The following IL1RAPL2 variants were observed in gnomAD, a reference collection of about 807,000 sequenced individuals.
IL1RAPL2 encodes interleukin 1 receptor accessory protein like 2, also known as X-linked interleukin-1 receptor accessory protein-like 2.
In IL1RAPL2, 3 loss-of-function variants were observed where a neutral mutation model predicts 44.1. The observed-to-expected ratio is 0.07, with a 90% CI of 0.03 to 0.18. The LOEUF (loss-of-function observed/expected upper bound fraction) is 0.18, where lower values mean the gene tolerates loss of function less well. Among genes scored for constraint, IL1RAPL2 ranks in the 10% least tolerant of loss-of-function variants. IL1RAPL2 has a pLI of 1.00. For synonymous variants in IL1RAPL2, 181 were observed against 178.8 expected (o/e 1.01, Z -0.10); for missense variants, 391 against 496.4 (o/e 0.79, Z 2.02).
chrX:105,575,865 T>A (rs2037046246), intron 6 of IL1RAPL2, among the ~76,000 whole-genome samples: 1 of 112,233 alleles, frequency 8.9e-6, no homozygotes, highest in African/African-American at 3.2e-5. Flanking sequence ...ATAGCCATTC[T>A]GATTTGTGTG....
chrX:104,889,921 G>C (rs1923370647), intron 2 of IL1RAPL2, among the ~76,000 whole-genome samples: 1 of 111,004 alleles, frequency 9.0e-6, no homozygotes, highest in African/African-American at 3.3e-5. Flanking sequence ...TTTACATTAG[G>C]TGTATCTCCT....
At chrX:105,490,128 G>A (rs1173164550) in intron 6 of IL1RAPL2, among the ~76,000 whole-genome samples, 1 of 111,454 alleles carries the variant, frequency 9.0e-6, no homozygotes. Context: ...GAGCCTGGCC[G>A]ATAATTTTCT....
At chrX:105,377,189 C>A (rs2147721124) in intron 5 of IL1RAPL2, among the ~76,000 whole-genome samples, 1 of 111,615 alleles carries the variant, frequency 9.0e-6, no homozygotes, top group South Asian at 3.7e-4. Context: ...TTAAGTTCTA[C>A]ATTTTGTGTT....
chrX:104,612,801 A>G lies in IL1RAPL2; in HGVS notation c.-20+45750A>G, dbSNP rs138341873. Among the ~76,000 whole-genome samples, 293 of 111,639 alleles carry G rather than the reference A, an allele frequency of 2.6e-3. 5 individuals are homozygous for G. In the East Asian group the frequency reaches 0.061, roughly 23 times the overall value. ...TATTTTAATGATATTGATTCTTCCA[A>G]TCAATGAGCATGGAATGGTTTTCCA... On this transcript the variant is annotated intron_variant, in intron 1 of 10. Coordinates refer to ENST00000372582, the MANE Select transcript of IL1RAPL2 (RefSeq NM_017416.2).
chrX:105,605,915 A>G (rs2037289684), intron 6 of IL1RAPL2, among the ~76,000 whole-genome samples: 1 of 111,921 alleles, frequency 8.9e-6, no homozygotes, highest in Non-Finnish European at 1.9e-5. Context: ...GATGAAACTC[A>G]ACCTCTATCT....
At chrX:105,155,190 C>T (rs933043570) in intron 2 of IL1RAPL2, among the ~76,000 whole-genome samples, 5 of 111,354 alleles carry the variant, frequency 4.5e-5, no homozygotes, top group African/African-American at 1.6e-4. Context: ...TTCATATCCT[C>T]ATCATCTGTT....
chrX:105,473,878 A>G (rs2036180722), intron 5 of IL1RAPL2, among the ~76,000 whole-genome samples: 1 of 112,001 alleles, frequency 8.9e-6, no homozygotes, highest in African/African-American at 3.2e-5. Flanking sequence ...GTTATTCCAT[A>G]TGACAGCCGC....
rs1376363869 is a variant in IL1RAPL2 at position 104,627,311 on chromosome X, T to C, written c.-19-31584T>C. ...TTCCACATGGACACAGGAAGGGTAATATCACACTCCGGGGCCTGTTGTGGG... is the reference window on the plus strand; with the variant it reads ...TTCCACATGGACACAGGAAGGGTAACATCACACTCCGGGGCCTGTTGTGGG... On this transcript the variant is annotated intron_variant, in intron 1 of 10. Coordinates refer to ENST00000372582, the MANE Select transcript of IL1RAPL2 (RefSeq NM_017416.2). 6.2e-5 allele frequency among the ~76,000 whole-genome samples: 5 copies of C among 80,362 alleles called. No homozygotes were observed. In the Admixed American group the frequency reaches 9.1e-4, roughly 15 times the overall value. 69.8% of individuals were successfully genotyped at this position (80,362 alleles called of 115,157 possible). A position where few individuals can be genotyped will look rare whatever the true frequency, so the allele number is the denominator to read the frequency against.
chrX:105,684,209 G>A (rs141213373), intron 6 of IL1RAPL2, among the ~76,000 whole-genome samples: 2,418 of 112,253 alleles, frequency 0.022, 60 homozygotes, highest in African/African-American at 0.075. Context: ...TACAGAGGGC[G>A]AGCTGAAGCA....
chrX:105,177,955 A>C (rs764226611), intron 2 of IL1RAPL2, among the ~76,000 whole-genome samples: 1 of 111,567 alleles, frequency 9.0e-6, no homozygotes, highest in South Asian at 3.8e-4. Context: ...CCATCACCTC[A>C]TGTTTTTATC....
At chrX:105,723,720 G>A (rs1459870920) in intron 7 of IL1RAPL2, among the ~76,000 whole-genome samples, 2 of 111,319 alleles carry the variant, frequency 1.8e-5, no homozygotes, top group Admixed American at 9.6e-5. Context: ...CCTGTTCCTC[G>A]TGGATGGAAC....
Position 105,554,461 on chromosome X carries a change from A to T in IL1RAPL2, c.772+70074A>T, listed in dbSNP as rs537304188. ...TCACTGACTCTCAAATTTGTGTTTG[A>T]TGCTTTTAATCAAATTTGGAAAACT... On this transcript the variant is annotated intron_variant, in intron 6 of 10. Coordinates refer to ENST00000372582, the MANE Select transcript of IL1RAPL2 (RefSeq NM_017416.2). 6.5e-3 allele frequency among the ~76,000 whole-genome samples: 731 copies of T among 111,617 alleles called. 4 individuals carry two copies. Among genetic ancestry groups the T allele is most frequent in the South Asian group, 0.037 (100 of 2,699 alleles).
chrX:105,673,387 C>T (rs1467439959), intron 6 of IL1RAPL2, among the ~76,000 whole-genome samples: 2 of 111,066 alleles, frequency 1.8e-5, no homozygotes, highest in Non-Finnish European at 3.8e-5. Flanking sequence ...TCTCATTGTT[C>T]TGCTACTACT....
At chrX:105,513,515 A>ATAG (rs2036487806) in intron 6 of IL1RAPL2, among the ~76,000 whole-genome samples, 1 of 112,001 alleles carries the variant, frequency 8.9e-6, no homozygotes, top group African/African-American at 3.2e-5. Context: ...TTCTCTAACG[A>ATAG]CCAGTGATGA....
intron 4 of IL1RAPL2, among the ~76,000 whole-genome samples, chrX:105,254,563 C>A (rs371408027): frequency 1.8e-5 from 2 of 111,641 alleles, no homozygotes; most frequent in East Asian, 5.7e-4. Context: ...TTTAATTAGA[C>A]CCTACTTGTC....
At chrX:104,575,840 T>C (rs1928234366) in intron 1 of IL1RAPL2, among the ~76,000 whole-genome samples, 1 of 111,710 alleles carries the variant, frequency 9.0e-6, no homozygotes, top group Non-Finnish European at 1.9e-5. Flanking sequence ...AAACTCAGAA[T>C]CAAAAAGGTC....
intron 6 of IL1RAPL2, among the ~76,000 whole-genome samples, chrX:105,682,445 G>T (rs961205977): frequency 9.0e-6 from 1 of 111,396 alleles, no homozygotes; most frequent in African/African-American, 3.3e-5. Flanking sequence ...TCAATTTAAA[G>T]TAGCAAAGTT....
chrX:104,890,708 A>G (rs1923404601), intron 2 of IL1RAPL2, among the ~76,000 whole-genome samples: 1 of 112,301 alleles, frequency 8.9e-6, no homozygotes, highest in Non-Finnish European at 1.9e-5. Flanking sequence ...GCCCTTTGTC[A>G]GATGAGTAGA....
At chrX:105,271,815 T>G (rs761722048) in intron 5 of IL1RAPL2, among the ~76,000 whole-genome samples, 101 of 108,238 alleles carry the variant, frequency 9.3e-4, no homozygotes, top group African/African-American at 3.1e-3. Flanking sequence ...TGAATGGGAG[T>G]TCACTCATGA....
Sources: allele counts gnomAD v4.1 joint callset (sites outside exome capture counted in the v4.1 genomes callset), GRCh38; gene constraint gnomAD v4.1.1; transcripts MANE v1.5; gene names NCBI Gene and HGNC (gene_info 2026-07-23, HGNC 2026-07-21).